The following GPSM1 variants were observed in gnomAD, a reference collection of about 807,000 sequenced individuals.
GPSM1 encodes G protein-signaling modulator 1.
Under a neutral mutation model 70.5 loss-of-function variants are expected in GPSM1, and 48 were observed. The observed-to-expected ratio is 0.68, with a 90% CI of 0.54 to 0.87. The LOEUF is 0.87. GPSM1 is among the 40% of genes least tolerant of loss of function. The pLI is 0.00. For synonymous variants in GPSM1, 416 were observed against 430.1 expected, an observed-to-expected ratio of 0.97 and a Z score of 0.41; for missense variants, 981 against 972.6, an observed-to-expected ratio of 1.01 and a Z score of -0.11.
At chr9:136,339,669 G>A (rs1488132118) in intron 7 of GPSM1, 38 bp from the exon 8 acceptor site, 1 of 1,388,454 alleles carries the variant, frequency 7.2e-7, no homozygotes, top group Admixed American at 2.0e-5. Context: ...GGCTGGCCTG[G>A]AGAGGGCGGG....
intron 9 of GPSM1, among the ~76,000 whole-genome samples, chr9:136,346,448 G>A (rs1471965338): frequency 6.6e-6 from 1 of 152,326 alleles, no homozygotes; most frequent in East Asian, 1.9e-4. Flanking sequence ...CAGCCAGGCC[G>A]ATCCAGGGGC....
At position 136,356,334 on chromosome 9, in the gene GPSM1, C is replaced by A. The variant is rs1404157276; in HGVS notation, c.1613-8C>A. On this transcript the variant is annotated splice_region_variant and splice_polypyrimidine_tract_variant and intron_variant, in intron 12 of 13. Coordinates refer to ENST00000440944, the MANE Select transcript of GPSM1 (RefSeq NM_001145638.3). ...GGGTCCCAGGTCTCACCCTCTGGCC[C>A]CCCGCAGCCCAGCCCTCGATGACGG... The A allele has an allele frequency of 3.2e-6, 5 of 1,559,330 alleles. No individual in the cohort carries two copies. The highest frequency in any genetic ancestry group is 4.3e-6 in the Non-Finnish European group (5 of 1,151,546).
intron 11 of GPSM1, among the ~76,000 whole-genome samples, chr9:136,350,181 G>A (rs1454731632): frequency 6.6e-6 from 1 of 152,256 alleles, no homozygotes; most frequent in Non-Finnish European, 1.5e-5. Context: ...GCTAGTCACA[G>A]GAGCGTGTCC....
At chr9:136,352,906 A>T (rs1426585055) in intron 11 of GPSM1, among the ~76,000 whole-genome samples, 1 of 151,692 alleles carries the variant, frequency 6.6e-6, no homozygotes, top group Admixed American at 6.6e-5. Context: ...CCTGTGTGTG[A>T]GTGCGAGCCC....
At chr9:136,328,824 G>A (rs1475525351) in intron 1 of GPSM1, among the ~76,000 whole-genome samples, 1 of 152,182 alleles carries the variant, frequency 6.6e-6, no homozygotes, top group Non-Finnish European at 1.5e-5. Flanking sequence ...GGGTGATTTT[G>A]CTGGCAGCTG....
chr9:136,337,183 G>T (rs1314460633), intron 4 of GPSM1, 111 bp downstream of exon 4: 4 of 1,122,898 alleles, frequency 3.6e-6, no homozygotes, highest in Non-Finnish European at 5.0e-6. Flanking sequence ...CAGCTCCCAG[G>T]GCAGTGACGG....
intron 1 of GPSM1, among the ~76,000 whole-genome samples, chr9:136,329,527 G>A (rs1832053839): frequency 6.6e-6 from 1 of 152,170 alleles, no homozygotes; most frequent in South Asian, 2.1e-4. Flanking sequence ...GGCGTGGGCG[G>A]TGGGCATGTG....
rs146149038 is a variant in GPSM1 at position 136,338,659 on chromosome 9, C to T, written c.923C>T (p.Ala308Val). The change falls in exon 7 of 14, where the codon GCG (alanine) becomes GTG (valine). Residue 308 changes from alanine (A) to valine (V), a missense_variant. Ala to Val is a moderately conservative substitution (Grantham distance 64). Transcript: ENST00000440944. ...ACGCTGCTGCAGGACTACGAGCGCG[C>T]GGCCGAGTACCACCTGCGGCACCTG... is the stretch of plus-strand genomic sequence containing the variant. ...TYTLLQDYER[A>V]AEYHLRHLLI... is the part of the protein sequence containing the mutation. 3.7e-5 allele frequency: 58 copies of T among 1,584,880 alleles called. No individual in the cohort carries two copies. Among genetic ancestry groups the T allele is most frequent in the Admixed American group, 9.1e-5 (5 of 54,942 alleles).
In GPSM1 at chr9:136,342,541, T is replaced by G. The variant is rs1286772452; in HGVS notation, c.1207+1548T>G. The stretch of plus-strand genomic sequence containing the variant: ...CCCCGCCCAGGGCAGCCCGGCAGCC[T>G]GGCTGGGGCCGCCGCCCGGCTGCCG... On this transcript the variant is annotated intron_variant, in intron 9 of 13. Coordinates refer to ENST00000440944, the MANE Select transcript of GPSM1 (RefSeq NM_001145638.3). This position sits in a 1 kb window ranked among gnomAD's most constrained non-coding sequence, Gnocchi z 5.5. Among the ~76,000 whole-genome samples, 1 of 151,964 alleles carries G rather than the reference T, an allele frequency of 6.6e-6. No homozygotes were observed. The highest frequency in any genetic ancestry group is 2.4e-5 in the African/African-American group (1 of 41,388).
At chr9:136,347,220 G>A (rs1017823338) in intron 9 of GPSM1, among the ~76,000 whole-genome samples, 3 of 152,172 alleles carry the variant, frequency 2.0e-5, no homozygotes, top group African/African-American at 4.8e-5. Flanking sequence ...GCTGAGCTCC[G>A]AGGCGTAGTA....
chr9:136,352,110 AATG>A (rs1564355150), intron 11 of GPSM1, among the ~76,000 whole-genome samples: 1 of 129,180 alleles, frequency 7.7e-6, no homozygotes, highest in African/African-American at 2.9e-5. Flanking sequence ...TGGTGACACC[AATG>A]CTGCGCCGTT....
chr9:136,355,953 G>A, intron 12 of GPSM1, 107 bp downstream of exon 12: 1 of 913,786 alleles, frequency 1.1e-6, no homozygotes, highest in Non-Finnish European at 1.6e-6. Context: ...AGACCAGCAG[G>A]CCAGCTGCAG....
chr9:136,341,160 A>G lies in GPSM1; in HGVS notation c.1207+167A>G. 6.5e-7 allele frequency: 1 copy of G among 1,549,814 alleles called. No individual in the cohort carries two copies. The highest frequency in any genetic ancestry group is 8.7e-7 in the Non-Finnish European group (1 of 1,146,762). On this transcript the variant is annotated intron_variant, in intron 9 of 13. Transcript: ENST00000440944. This position sits in a 1 kb window ranked among gnomAD's most constrained non-coding sequence, Gnocchi z 6.7. ...TGGCCTCAGGGACAGCACAGGCCTG[A>G]GGTTCACCCTGAGCCCTTCCCACCC...
chr9:136,358,121 G>C lies in GPSM1; in HGVS notation c.1929G>C (p.Lys643Asn). 6.2e-7 allele frequency: 1 copy of C among 1,611,938 alleles called. No homozygotes were observed. Among genetic ancestry groups the C allele is most frequent in the Non-Finnish European group, 8.5e-7 (1 of 1,179,424 alleles). ...FFSLIQRVQA[K>N]RMDEQRVDLA... ...GCCTCATTCAGAGGGTGCAGGCTAAGCGCATGGACGAGCAGCGGGTGGACC... is the reference window on the plus strand; with the variant it reads ...GCCTCATTCAGAGGGTGCAGGCTAACCGCATGGACGAGCAGCGGGTGGACC... Residue 643 changes from lysine to asparagine, a missense_variant, in exon 14 of 14, where the codon AAG (lysine) becomes AAC (asparagine). Lys to Asn is a moderately conservative substitution (Grantham distance 94). Transcript: ENST00000440944.
At chr9:136,356,093 G>C (rs911909340) in intron 12 of GPSM1, among the ~76,000 whole-genome samples, 7 of 152,020 alleles carry the variant, frequency 4.6e-5, no homozygotes, top group African/African-American at 1.7e-4. Flanking sequence ...AGGGCGTGGG[G>C]GACTGGCGTT....
intron 9 of GPSM1, among the ~76,000 whole-genome samples, chr9:136,344,034 G>A (rs1298418118): frequency 2.0e-5 from 3 of 152,102 alleles, no homozygotes; most frequent in Admixed American, 1.3e-4. Context: ...CACCAAGACC[G>A]CTGAGCCGCG....
Position 136,354,754 on chromosome 9 carries a change from C to T in GPSM1, c.1456-936C>T, listed in dbSNP as rs375956142. The stretch of plus-strand genomic sequence containing the variant: ...CTTGTTTGGGTGTGTGGACTGAGGC[C>T]CAGGGCGGGGTTCATTCCTTCGAGT... On this transcript the variant is annotated intron_variant, in intron 11 of 13. Coordinates refer to ENST00000440944, the MANE Select transcript of GPSM1 (RefSeq NM_001145638.3). 6.7e-5 allele frequency: 61 copies of T among 911,968 alleles called. No individual in the cohort carries two copies. In the East Asian group the frequency reaches 5.3e-3, roughly 80 times the overall value. 56.5% of individuals were successfully genotyped at this position (911,968 alleles called of 1,614,324 possible).
In GPSM1 at chr9:136,340,003, A is replaced by G. The variant is rs554206254; in HGVS notation, c.1083+188A>G. On this transcript the variant is annotated intron_variant, in intron 8 of 13. Coordinates refer to ENST00000440944, the MANE Select transcript of GPSM1 (RefSeq NM_001145638.3). The surrounding 1 kb of genome is among the most constrained non-coding windows in gnomAD (Gnocchi z 7.3). ...TACCATGCCCGGGGGTTTTTCCTGCAGCCCCCAGCTGGTGCCTTCCTGGGC... is the reference window on the plus strand; with the variant it reads ...TACCATGCCCGGGGGTTTTTCCTGCGGCCCCCAGCTGGTGCCTTCCTGGGC... Among the ~76,000 whole-genome samples, 50 of 136,448 alleles carry G rather than the reference A, an allele frequency of 3.7e-4. No homozygotes were observed. The highest frequency in any genetic ancestry group is 1.5e-3 in the African/African-American group (47 of 31,298). The allele number at this position is 136,448 out of a possible 152,430, so 89.5% of individuals were successfully genotyped here.
At chr9:136,356,277 C>T (rs1832819668) in intron 12 of GPSM1, 65 bp from the exon 13 acceptor site, 11 of 1,249,158 alleles carry the variant, frequency 8.8e-6, no homozygotes, top group East Asian at 5.2e-5. Flanking sequence ...TCACTGTGGC[C>T]GCAGCCCGAG....
Sources: gnomAD v4.1 joint callset for allele counts (sites outside exome capture counted in the v4.1 genomes callset) on GRCh38, gnomAD v4.1.1 for gene constraint, Gnocchi (gnomAD v3.1) non-coding constraint, MANE v1.5 for transcripts, NCBI Gene and HGNC (gene_info 2026-07-23, HGNC 2026-07-21) for gene names.